DDX19A: variants seen among roughly 807,000 people sequenced by gnomAD.
DDX19A encodes the protein ATP-dependent RNA helicase DDX19A.
A neutral mutation model predicts 60.6 loss-of-function variants in DDX19A; 12 were observed. The observed-to-expected ratio is 0.20, with a 90% CI of 0.13 to 0.32. The LOEUF is 0.32. Ranked by LOEUF, DDX19A falls within the 10% of genes least tolerant of loss-of-function variation. DDX19A has a pLI of 1.00. For synonymous variants in DDX19A, 206 were observed against 218.2 expected (o/e 0.94, Z 0.49); for missense variants, 337 against 600.6 (o/e 0.56, Z 4.59).
intron 9 of DDX19A, among the ~76,000 whole-genome samples, 174 bp from the exon 10 acceptor site, chr16:70,370,049 C>T (rs1357125082): frequency 2.0e-5 from 3 of 152,160 alleles, no homozygotes; most frequent in Non-Finnish European, 4.4e-5. Context: ...AAAATATCTT[C>T]AGCTGAGCGT....
At chr16:70,356,938 G>GTT (rs746090230) in intron 4 of DDX19A, 144 of 443,110 alleles carry the variant, frequency 3.2e-4, no homozygotes, top group South Asian at 9.1e-4. Context: ...TGTGCTATTT[G>GTT]TTTTTTTTTT....
intron 1 of DDX19A, among the ~76,000 whole-genome samples, chr16:70,348,707 A>C (rs1325720684): frequency 6.6e-6 from 1 of 150,764 alleles, no homozygotes; most frequent in Non-Finnish European, 1.5e-5. Context: ...TGGGAAACTG[A>C]GACAGGCAGA....
intron 9 of DDX19A, among the ~76,000 whole-genome samples, chr16:70,369,654 C>T (rs1173608675): frequency 2.8e-5 from 4 of 142,290 alleles, no homozygotes; most frequent in East Asian, 2.1e-4. Context: ...GGTCTTGCTC[C>T]GTCACCCAGG....
intron 3 of DDX19A, 194 bp downstream of exon 3, chr16:70,355,729 A>G (rs1964165965): frequency 3.3e-6 from 2 of 600,760 alleles, no homozygotes; most frequent in South Asian, 4.0e-5. Context: ...TGGGAGGCCG[A>G]GGTGGGAGGA....
Position 70,357,269 on chromosome 16 carries a change from A to AT in DDX19A, c.293+1022_293+1023insT, listed in dbSNP as rs1567651941. On this transcript the variant is annotated intron_variant, in intron 4 of 11. Coordinates refer to ENST00000302243, the MANE Select transcript of DDX19A (RefSeq NM_018332.5). ...GCGAGACTCTCTCTCAAAAAAAAAAAAATATATATATATATATATGTATAT... is the reference window on the plus strand; with the variant it reads ...GCGAGACTCTCTCTCAAAAAAAAAAATAATATATATATATATATATGTATAT... 5.7e-4 allele frequency among the ~76,000 whole-genome samples: 67 copies of AT among 118,558 alleles called. 1 individual carries two copies. Among genetic ancestry groups the AT allele is most frequent in the Middle Eastern group, 3.7e-3 (1 of 268 alleles). 77.8% of individuals were successfully genotyped at this position (118,558 alleles called of 152,430 possible). A position where few individuals can be genotyped will look rare whatever the true frequency, so the allele number is the denominator to read the frequency against.
At chr16:70,357,369 T>TGTTTG (rs1308827876) in intron 4 of DDX19A, among the ~76,000 whole-genome samples, 1 of 28,910 alleles carries the variant, frequency 3.5e-5, no homozygotes, top group African/African-American at 1.1e-4. Context: ...TTGGTTTGTT[T>TGTTTG]TTTTTTTTTT....
intron 4 of DDX19A, 124 bp downstream of exon 4, chr16:70,356,371 T>C (rs2151633576): frequency 1.4e-6 from 2 of 1,471,518 alleles, no homozygotes; most frequent in East Asian, 2.3e-5. Flanking sequence ...CCTTTTTTTT[T>C]TCGAGACAGA....
Position 70,347,015 on chromosome 16 carries a change from G to C in DDX19A, c.24G>C (p.Leu8=). MATDSWA[L]AVDEQEAAVK... ...CTATGGCCACCGACTCGTGGGCCCT[G>C]GCGGTGGACGAGCAGGAAGCGGCTG... Residue 8 remains leucine, a synonymous_variant, in exon 1 of 12, where the codon CTG becomes CTC. Coordinates refer to ENST00000302243, the MANE Select transcript of DDX19A (RefSeq NM_018332.5). The C allele has an allele frequency of 1.9e-6, 3 of 1,612,864 alleles. No individual in the cohort carries two copies. Among genetic ancestry groups the C allele is most frequent in the Non-Finnish European group, 2.5e-6 (3 of 1,179,848 alleles).
intron 9 of DDX19A, among the ~76,000 whole-genome samples, chr16:70,368,990 C>G (rs1484207598): frequency 1.3e-5 from 2 of 151,802 alleles, no homozygotes; most frequent in African/African-American, 4.8e-5. Flanking sequence ...CCTCAGCCTT[C>G]CCGGGTAGCT....
intron 1 of DDX19A, among the ~76,000 whole-genome samples, chr16:70,350,320 C>G (rs1044803303): frequency 6.6e-6 from 1 of 151,980 alleles, no homozygotes; most frequent in Non-Finnish European, 1.5e-5. Context: ...CTGAAACTTT[C>G]CCCCCAACCA....
At chr16:70,359,922 T>C (rs912333465) in intron 4 of DDX19A, among the ~76,000 whole-genome samples, 4 of 152,172 alleles carry the variant, frequency 2.6e-5, no homozygotes, top group African/African-American at 9.6e-5. Context: ...TTGTAAAGTT[T>C]AGTAGGTTAA....
At chr16:70,357,750 G>A in intron 4 of DDX19A, among the ~76,000 whole-genome samples, 1 of 151,894 alleles carries the variant, frequency 6.6e-6, no homozygotes, top group Non-Finnish European at 1.5e-5. Flanking sequence ...TTATATACAT[G>A]CCACTGTGCT....
Position 70,356,140 on chromosome 16 carries a change from C to A in DDX19A, c.186C>A (p.Asn62Lys). The A allele has an allele frequency of 6.2e-7, 1 of 1,614,020 alleles. No homozygotes were observed. The highest frequency in any genetic ancestry group is 8.5e-7 in the Non-Finnish European group (1 of 1,180,018). The part of the protein sequence containing the change: ...KEDRAAQSLL[N>K]KLIRSNLVDN... The stretch of plus-strand genomic sequence containing the variant: ...ACAGAGCTGCCCAGTCCTTACTCAA[C>A]AAGCTGATCAGAAGCAACCTTGTTG... The change falls in exon 4 of 12, where the codon AAC (asparagine) becomes AAA (lysine). Residue 62 changes from asparagine (N) to lysine (K), a missense_variant. Physicochemically the swap from Asn to Lys is moderately conservative, Grantham distance 94. Coordinates refer to ENST00000302243, the MANE Select transcript of DDX19A (RefSeq NM_018332.5).
At chr16:70,355,593 G>C in intron 3 of DDX19A, 58 bp downstream of exon 3, 2 of 1,357,928 alleles carry the variant, frequency 1.5e-6, no homozygotes, top group Non-Finnish European at 2.1e-6. Flanking sequence ...TTGCCTTCCT[G>C]GAGCCAGGGG....
At chr16:70,349,363 A>T (rs1963944361) in intron 1 of DDX19A, among the ~76,000 whole-genome samples, 1 of 152,182 alleles carries the variant, frequency 6.6e-6, no homozygotes, top group Non-Finnish European at 1.5e-5. Flanking sequence ...AGAATTCCAG[A>T]CTTCCAGAAG....
chr16:70,347,917 C>T lies in DDX19A; in HGVS notation c.57+869C>T, dbSNP rs1183601765. On this transcript the variant is annotated intron_variant, in intron 1 of 11. Coordinates refer to ENST00000302243, the MANE Select transcript of DDX19A (RefSeq NM_018332.5). ...GTTGGTCAGGCTGGTCTCGAACTCC[C>T]GACCTCAAGTGATCCGCCCACCTCG... 1.0e-5 allele frequency: 4 copies of T among 394,912 alleles called. 1 individual carries two copies. The highest frequency in any genetic ancestry group is 1.5e-5 in the Non-Finnish European group (3 of 199,652). 24.5% of individuals were successfully genotyped at this position (394,912 alleles called of 1,614,324 possible). A position where few individuals can be genotyped will look rare whatever the true frequency, so the allele number is the denominator to read the frequency against.
Position 70,372,278 on chromosome 16 carries a change from C to T in DDX19A, c.*292C>T, listed in dbSNP as rs1365800287. The stretch of plus-strand genomic sequence containing the variant: ...ACAGTGGTAGTCGCTGGCCCCAGGA[C>T]CCCCTCCTGATTTTGGCTAGGCATC... On this transcript the variant is annotated 3_prime_UTR_variant, in exon 12 of 12. Coordinates refer to ENST00000302243, the MANE Select transcript of DDX19A (RefSeq NM_018332.5). 6.1e-6 allele frequency: 3 copies of T among 493,230 alleles called. No homozygotes were observed. Among genetic ancestry groups the T allele is most frequent in the Non-Finnish European group, 1.1e-5 (3 of 275,106 alleles). 30.6% of individuals were successfully genotyped at this position (493,230 alleles called of 1,614,324 possible).
chr16:70,370,195 C>A, intron 9 of DDX19A, 28 bp from the exon 10 acceptor site: 2 of 1,602,886 alleles, frequency 1.2e-6, no homozygotes, highest in South Asian at 1.1e-5. Context: ...CAAATACTTT[C>A]ATTTCTCAAT....
At chr16:70,365,627 A>T (rs1345353107) in intron 7 of DDX19A, 1 of 206,082 alleles carries the variant, frequency 4.9e-6, no homozygotes, top group African/African-American at 2.4e-5. Flanking sequence ...ATAAAAAAAA[A>T]AAAATAGCCA....
Sources: allele counts gnomAD v4.1 joint callset (sites outside exome capture counted in the v4.1 genomes callset), GRCh38; gene constraint gnomAD v4.1.1; transcripts MANE v1.5; gene names NCBI Gene and HGNC (gene_info 2026-07-23, HGNC 2026-07-21).